Variants in ADGRG7 observed in about 807,000 individuals in gnomAD.
ADGRG7 encodes adhesion G protein-coupled receptor G7.
A neutral mutation model predicts 88.6 loss-of-function variants in ADGRG7; 82 were observed. The observed-to-expected ratio is 0.93, with a 90% CI of 0.77 to 1.11. The LOEUF (loss-of-function observed/expected upper bound fraction) is 1.11. ADGRG7 is among the 50% of genes most tolerant of loss of function. The pLI, the probability that ADGRG7 is intolerant of heterozygous loss-of-function variation, is 0.00. For synonymous variants in ADGRG7, 381 were observed against 345.2 expected (o/e 1.10, Z -1.15); for missense variants, 945 against 953.4 (o/e 0.99, Z 0.12).
chr3:100,638,255 T>C (rs989938590), intron 6 of ADGRG7, among the ~76,000 whole-genome samples: 5 of 152,214 alleles, frequency 3.3e-5, no homozygotes, highest in Non-Finnish European at 5.9e-5. Context: ...CCTGGACAAA[T>C]TGAAGGATGG....
At chr3:100,647,328 G>T (rs532214570) in intron 10 of ADGRG7, among the ~76,000 whole-genome samples, 2 of 152,170 alleles carry the variant, frequency 1.3e-5, no homozygotes, top group African/African-American at 2.4e-5. Flanking sequence ...TAACTCACAC[G>T]TTCTGAAGCA....
intron 15 of ADGRG7, among the ~76,000 whole-genome samples, chr3:100,670,884 C>T (rs2094957490): frequency 6.6e-6 from 1 of 152,180 alleles, no homozygotes; most frequent in South Asian, 2.1e-4. Flanking sequence ...ATGCAAAGGA[C>T]ATGAACTCAT....
intron 8 of ADGRG7, among the ~76,000 whole-genome samples, chr3:100,644,138 T>C (rs1278559157): frequency 6.6e-6 from 1 of 152,060 alleles, no homozygotes; most frequent in Admixed American, 6.6e-5. Context: ...ACATATAACC[T>C]TTCAGAAATT....
At chr3:100,681,019 C>A (rs1474354899) in intron 15 of ADGRG7, among the ~76,000 whole-genome samples, 1 of 152,018 alleles carries the variant, frequency 6.6e-6, no homozygotes, top group Admixed American at 6.6e-5. Flanking sequence ...TAACCATAAA[C>A]CTTTAAAAAA....
chr3:100,615,030 T>A (rs1294162244), intron 1 of ADGRG7, among the ~76,000 whole-genome samples: 3 of 152,182 alleles, frequency 2.0e-5, no homozygotes, highest in Non-Finnish European at 4.4e-5. Flanking sequence ...TTCCAAAATA[T>A]GGAGCCTCAA....
At chr3:100,612,843 C>T (rs905935756) in intron 1 of ADGRG7, among the ~76,000 whole-genome samples, 3 of 152,158 alleles carry the variant, frequency 2.0e-5, no homozygotes, top group African/African-American at 7.2e-5. Context: ...TTGAAATATT[C>T]CCAAACCCCA....
At position 100,695,031 on chromosome 3, in the gene ADGRG7, T is replaced by A. The variant is rs1294780299; in HGVS notation, c.*30T>A. 6.3e-7 allele frequency: 1 copy of A among 1,596,246 alleles called. No individual in the cohort carries two copies. The highest frequency in any genetic ancestry group is 8.5e-7 in the Non-Finnish European group (1 of 1,169,866). ...TAAAACTTACCTGTTGTGGTCTTTT[T>A]AATCACCTCGTTTGAGTTTTATCTG... On this transcript the variant is annotated 3_prime_UTR_variant, in exon 16 of 16. Transcript: ENST00000273352.
At chr3:100,665,194 T>A in intron 14 of ADGRG7, 1 of 539,990 alleles carries the variant, frequency 1.9e-6, no homozygotes, top group Non-Finnish European at 3.8e-6. Flanking sequence ...CAGGCTTACA[T>A]CCAACAGGAC....
chr3:100,629,450 T>C, intron 1 of ADGRG7, 148 bp from the exon 2 acceptor site: 1 of 559,160 alleles, frequency 1.8e-6, no homozygotes, highest in Admixed American at 3.1e-5. Flanking sequence ...TCAGTGTATA[T>C]TTTATTAATG....
chr3:100,649,839 G>T (rs760735329), intron 11 of ADGRG7, 32 bp downstream of exon 11: 5 of 1,267,152 alleles, frequency 3.9e-6, no homozygotes, highest in South Asian at 1.2e-5. Context: ...TTTCAGAAGA[G>T]AAATTGCTAT....
intron 6 of ADGRG7, among the ~76,000 whole-genome samples, chr3:100,638,378 C>G (rs1466863224): frequency 6.6e-6 from 1 of 152,160 alleles, no homozygotes; most frequent in Admixed American, 6.5e-5. Flanking sequence ...ACCTCTCAGC[C>G]TCTCTCCTTC....
chr3:100,647,609 G>T (rs1372859395), intron 10 of ADGRG7, among the ~76,000 whole-genome samples: 1 of 152,174 alleles, frequency 6.6e-6, no homozygotes, highest in African/African-American at 2.4e-5. Flanking sequence ...CTGGCGTGCA[G>T]CTGTGCATGC....
intron 1 of ADGRG7, among the ~76,000 whole-genome samples, chr3:100,624,773 CACTA>C (rs1448880712): frequency 6.6e-6 from 1 of 152,138 alleles, no homozygotes; most frequent in African/African-American, 2.4e-5. Flanking sequence ...GCTTTCCCAG[CACTA>C]TTTATTAAAT....
intron 2 of ADGRG7, among the ~76,000 whole-genome samples, chr3:100,630,023 T>C (rs187260763): frequency 3.9e-5 from 6 of 152,310 alleles, no homozygotes; most frequent in Admixed American, 3.3e-4. Context: ...GTCCTTTCAA[T>C]TGGTAATATG....
At position 100,685,982 on chromosome 3, in the gene ADGRG7, G is replaced by T. The variant is rs1018664628; in HGVS notation, c.2137-8762G>T. Among the ~76,000 whole-genome samples, 517 of 142,084 alleles carry T rather than the reference G, an allele frequency of 3.6e-3. 5 individuals carry two copies. Among genetic ancestry groups the T allele is most frequent in the Non-Finnish European group, 5.3e-3 (339 of 63,662 alleles). The allele number at this position is 142,084 out of a possible 152,430, so 93.2% of individuals were successfully genotyped here. ...TCCACAATGGTTGAACTAGTTTACA[G>T]TCCCACCAACAGTGTAAAAGTGTTC... is the stretch of plus-strand genomic sequence containing the variant. On this transcript the variant is annotated intron_variant, in intron 15 of 15. Transcript: ENST00000273352.
intron 14 of ADGRG7, among the ~76,000 whole-genome samples, chr3:100,667,811 A>G (rs2094953724): frequency 6.6e-6 from 1 of 152,000 alleles, no homozygotes; most frequent in Admixed American, 6.6e-5. Context: ...AAAGTGTTTC[A>G]GGTGCTACCA....
Position 100,654,933 on chromosome 3 carries a change from A to G in ADGRG7, c.1478A>G (p.Asn493Ser), listed in dbSNP as rs776721366. The G allele has an allele frequency of 2.5e-6, 4 of 1,614,022 alleles. No individual in the cohort carries two copies. Among genetic ancestry groups the G allele is most frequent in the South Asian group, 1.1e-5 (1 of 91,088 alleles). The change falls in exon 12 of 16, where the codon AAT (asparagine) becomes AGT (serine). Residue 493 changes from asparagine (N) to serine (S), a missense_variant. Asn to Ser is a conservative substitution (Grantham distance 46). Transcript: ENST00000273352. The part of the protein sequence containing the change: ...LLFVFGIENS[N>S]KNLQTSDGDI... ...TTTGTGTTTGGAATTGAAAACTCCA[A>G]TAAGAACTTGCAGACAAGTGATGGT...
chr3:100,677,322 A>C (rs919654794), intron 15 of ADGRG7, among the ~76,000 whole-genome samples: 3 of 152,252 alleles, frequency 2.0e-5, no homozygotes, highest in African/African-American at 7.2e-5. Flanking sequence ...GACAACACTG[A>C]TTGCATAAAC....
rs149586843 is a variant in ADGRG7, at chr3:100,648,495, G to A, written c.1267-1200G>A. The stretch of plus-strand genomic sequence containing the variant: ...TTATTTCTATAAAAGCAATACACAG[G>A]CATTGCATAAAGCATGAAAGTATGC... On this transcript the variant is annotated intron_variant, in intron 10 of 15. Transcript: ENST00000273352. 3.5e-3 allele frequency among the ~76,000 whole-genome samples: 528 copies of A among 152,124 alleles called. 5 individuals are homozygous for A. The highest frequency in any genetic ancestry group is 5.1e-3 in the Non-Finnish European group (350 of 67,982).
Sources: gnomAD v4.1 joint callset for allele counts (sites outside exome capture counted in the v4.1 genomes callset) on GRCh38, gnomAD v4.1.1 for gene constraint, MANE v1.5 for transcripts, NCBI Gene and HGNC (gene_info 2026-07-23, HGNC 2026-07-21) for gene names.